Variants in PDSS2 observed in about 807,000 individuals in gnomAD.
The protein encoded by PDSS2 is all trans-polyprenyl-diphosphate synthase PDSS2.
A neutral mutation model predicts 44.5 loss-of-function variants in PDSS2; 31 were observed. The observed-to-expected ratio is 0.70, with a 90% CI of 0.52 to 0.94. The LOEUF is 0.94. Among genes scored for constraint, PDSS2 ranks in the 40% least tolerant of loss-of-function variants. The pLI is 0.00. For missense variants in PDSS2, 452 were observed against 482.2 expected (o/e 0.94, Z 0.59); for synonymous variants, 157 against 180.3 (o/e 0.87, Z 1.03).
chr6:107,310,356 A>C (rs1277869630), intron 2 of PDSS2, among the ~76,000 whole-genome samples: 8 of 152,230 alleles, frequency 5.3e-5, no homozygotes, highest in Middle Eastern at 3.4e-3. Flanking sequence ...GAATCTAAAA[A>C]AACAACCAGG....
At chr6:107,296,782 A>G (rs1409053611) in intron 2 of PDSS2, among the ~76,000 whole-genome samples, 2 of 152,292 alleles carry the variant, frequency 1.3e-5, no homozygotes, top group African/African-American at 2.4e-5. Context: ...AACTCAATTC[A>G]TCCTTTACCC....
chr6:107,409,496 A>T (rs1266401589), intron 1 of PDSS2, among the ~76,000 whole-genome samples: 3 of 152,138 alleles, frequency 2.0e-5, no homozygotes, highest in Non-Finnish European at 4.4e-5. Context: ...ATAGTACAGG[A>T]GTGAAGCTAT....
Position 107,334,335 on chromosome 6 carries a change from G to A in PDSS2, c.297-3C>T. 1 of 1,612,998 alleles carries A rather than the reference G, an allele frequency of 6.2e-7. No homozygotes were observed. The highest frequency in any genetic ancestry group is 8.5e-7 in the Non-Finnish European group (1 of 1,179,322). ...TCCAGCTGTCATGTACAAGCCCCCT[G>A]CCAACAAGCAAAGAAGGAAGAGGAT... On this transcript the variant is annotated splice_polypyrimidine_tract_variant and splice_region_variant and intron_variant, in intron 1 of 7. Transcript: ENST00000369037.
At chr6:107,195,850 G>T (rs540986388) in intron 6 of PDSS2, among the ~76,000 whole-genome samples, 15 of 152,284 alleles carry the variant, frequency 9.9e-5, no homozygotes, top group African/African-American at 3.6e-4. Context: ...GTGAGCCACT[G>T]CGCCCAGCCC....
intron 6 of PDSS2, among the ~76,000 whole-genome samples, chr6:107,197,498 A>G (rs978821198): frequency 6.6e-6 from 1 of 151,748 alleles, no homozygotes; most frequent in Admixed American, 6.6e-5. Context: ...AAAAAAAAAA[A>G]AAAAGAAGTG....
intron 1 of PDSS2, among the ~76,000 whole-genome samples, chr6:107,359,448 C>A (rs758596553): frequency 5.3e-5 from 8 of 151,262 alleles, no homozygotes; most frequent in Non-Finnish European, 1.0e-4. Context: ...CATGGTGAAA[C>A]CCCATCTTTA....
chr6:107,231,899 T>C (rs909050753), intron 4 of PDSS2, among the ~76,000 whole-genome samples: 1 of 151,058 alleles, frequency 6.6e-6, no homozygotes, highest in East Asian at 1.9e-4. Context: ...GAGGTGGAGG[T>C]TGCAGTGAGC....
At chr6:107,243,432 T>G (rs1177318150) in intron 4 of PDSS2, among the ~76,000 whole-genome samples, 1 of 152,244 alleles carries the variant, frequency 6.6e-6, no homozygotes, top group East Asian at 1.9e-4. Flanking sequence ...ATTAATGAAC[T>G]GAGCTTATTA....
intron 4 of PDSS2, among the ~76,000 whole-genome samples, chr6:107,243,611 G>A (rs1198258732): frequency 6.6e-6 from 1 of 152,172 alleles, no homozygotes; most frequent in East Asian, 1.9e-4. Flanking sequence ...AGCCAGAACT[G>A]GTCACTATAA....
At chr6:107,218,337 T>G (rs62428059) in intron 4 of PDSS2, among the ~76,000 whole-genome samples, 15,146 of 152,122 alleles carry the variant, frequency 0.1, 889 homozygotes, top group South Asian at 0.21. Context: ...ACCTCCTAGA[T>G]GCCTCTTGGC....
At chr6:107,342,966 C>T (rs958095687) in intron 1 of PDSS2, among the ~76,000 whole-genome samples, 3 of 152,122 alleles carry the variant, frequency 2.0e-5, no homozygotes, top group East Asian at 1.9e-4. Context: ...GTGAGTGGTA[C>T]GATTTTATTT....
At chr6:107,435,949 GA>G (rs11458153) in intron 1 of PDSS2, among the ~76,000 whole-genome samples, 3 of 150,996 alleles carry the variant, frequency 2.0e-5, no homozygotes, top group South Asian at 2.1e-4. Context: ...CAAAAATTGC[GA>G]AAAAAAAATG....
chr6:107,173,122 CAAAA>C (rs34305757), intron 7 of PDSS2, among the ~76,000 whole-genome samples: 1 of 122,720 alleles, frequency 8.1e-6, no homozygotes. Context: ...GACTCTGTCT[CAAAA>C]AAAAAAAAAA....
At chr6:107,302,979 TA>T (rs1383773008) in intron 2 of PDSS2, among the ~76,000 whole-genome samples, 1 of 152,178 alleles carries the variant, frequency 6.6e-6, no homozygotes, top group African/African-American at 2.4e-5. Flanking sequence ...GTGTGGCTAC[TA>T]GCAGATTAAA....
intron 1 of PDSS2, among the ~76,000 whole-genome samples, chr6:107,346,198 G>T (rs1287212719): frequency 6.6e-6 from 1 of 152,166 alleles, no homozygotes; most frequent in Non-Finnish European, 1.5e-5. Context: ...TTACATACAG[G>T]TTATTCTAGC....
intron 7 of PDSS2, among the ~76,000 whole-genome samples, chr6:107,155,874 G>A (rs1582704911): frequency 1.5e-5 from 2 of 132,318 alleles, no homozygotes; most frequent in Non-Finnish European, 3.1e-5. Flanking sequence ...CACCTTGCCC[G>A]GCCTTTTTTT....
chr6:107,302,631 AT>A (rs1187742441), intron 2 of PDSS2, among the ~76,000 whole-genome samples: 1 of 152,142 alleles, frequency 6.6e-6, no homozygotes, highest in Non-Finnish European at 1.5e-5. Context: ...AATATTTCCT[AT>A]AAAGACTTAG....
intron 6 of PDSS2, among the ~76,000 whole-genome samples, chr6:107,204,846 C>T (rs1772918484): frequency 6.6e-6 from 1 of 152,194 alleles, no homozygotes; most frequent in Non-Finnish European, 1.5e-5. Context: ...TTCTGTATCT[C>T]CTGTAGTCAA....
At chr6:107,316,402 G>C (rs1777199070) in intron 2 of PDSS2, among the ~76,000 whole-genome samples, 1 of 151,914 alleles carries the variant, frequency 6.6e-6, no homozygotes, top group South Asian at 2.1e-4. Context: ...CTTTTGCTAT[G>C]GTATCCAGTA....
Sources: gnomAD v4.1 joint callset for allele counts (sites outside exome capture counted in the v4.1 genomes callset) on GRCh38, gnomAD v4.1.1 for gene constraint, MANE v1.5 for transcripts, NCBI Gene and HGNC (gene_info 2026-07-23, HGNC 2026-07-21) for gene names.